ZNF469: variants seen among roughly 807,000 people sequenced by gnomAD.
ZNF469 encodes zinc finger protein 469.
Under a neutral mutation model 1.0 loss-of-function variants are expected in ZNF469, and 1 was observed. The observed-to-expected ratio is 1.00, with a 90% CI of 0.35 to 4.73. ZNF469 has a LOEUF of 4.73. ZNF469 is among the 30% of genes most tolerant of loss of function. The probability of loss-of-function intolerance (pLI) is 0.16; values close to 1 mark genes in which losing one functional copy is unlikely to be tolerated. For missense variants in ZNF469, 6,100 were observed against 5,356.3 expected (o/e 1.14, Z -4.33); for synonymous variants, 2,703 against 2,363.4 (o/e 1.14, Z -4.17).
the ZNF469 span, among the ~76,000 whole-genome samples, chr16:88,237,615 G>T: frequency 3.1e-4 from 1 of 3,176 alleles, no homozygotes. Flanking sequence ...GCTCCTGCCA[G>T]TCACCCTCCC....
chr16:88,309,257 A>C, the ZNF469 span, among the ~76,000 whole-genome samples: 1 of 152,210 alleles, frequency 6.6e-6, no homozygotes, highest in East Asian at 1.9e-4. Flanking sequence ...GTGTGCTGGC[A>C]ATTTGAGGAG....
the ZNF469 span, among the ~76,000 whole-genome samples, chr16:88,325,699 A>C: frequency 6.6e-6 from 1 of 152,210 alleles, no homozygotes; most frequent in Non-Finnish European, 1.5e-5. Context: ...TGACTTGTTC[A>C]ATGTCACCCC....
chr16:88,139,801 C>T, the ZNF469 span, among the ~76,000 whole-genome samples: 3 of 152,208 alleles, frequency 2.0e-5, no homozygotes, highest in Non-Finnish European at 2.9e-5. Flanking sequence ...CAGACCTTCT[C>T]GACACCTGAG....
the ZNF469 span, among the ~76,000 whole-genome samples, chr16:88,296,641 TAC>T: frequency 2.0e-5 from 3 of 150,412 alleles, no homozygotes; most frequent in Admixed American, 6.6e-5. Flanking sequence ...CACATACGCA[TAC>T]ACACATGCAC....
the ZNF469 span, among the ~76,000 whole-genome samples, chr16:88,274,245 G>A: frequency 1.3e-5 from 2 of 152,336 alleles, no homozygotes; most frequent in Admixed American, 6.5e-5. Context: ...CCCTAGAGCA[G>A]TGAGATTCAC....
At chr16:88,264,373 A>G in the ZNF469 span, among the ~76,000 whole-genome samples, 1 of 151,484 alleles carries the variant, frequency 6.6e-6, no homozygotes, top group East Asian at 2.0e-4. Flanking sequence ...CCTCTCTCCC[A>G]TGGCCCCCTT....
At chr16:88,411,230 G>T (rs143069821) in intron 1 of ZNF469, among the ~76,000 whole-genome samples, 194 of 152,326 alleles carry the variant, frequency 1.3e-3, no homozygotes, top group African/African-American at 4.6e-3. Context: ...GACAACTTCA[G>T]AGGGTGAAAG....
chr16:88,434,137 G>A lies in ZNF469; in HGVS notation c.6667G>A (p.Glu2223Lys). 6.5e-7 allele frequency: 1 copy of A among 1,550,330 alleles called. No individual in the cohort carries two copies. Among genetic ancestry groups the A allele is most frequent in the Non-Finnish European group, 8.7e-7 (1 of 1,146,944 alleles). Residue 2223 changes from glutamate to lysine, a missense_variant, in exon 3 of 3, where the codon GAA becomes AAA. Coordinates refer to ENST00000565624, the MANE Select transcript of ZNF469 (RefSeq NM_001367624.2). Reference protein sequence around the residue: ...CLLQGEGSPLEDPSSWPPGSV... With the variant: ...CLLQGEGSPLKDPSSWPPGSV... ...TCTCCAGGGGGAGGGCAGCCCCCTG[G>A]AAGACCCTTCCTCCTGGCCTCCTGG...
chr16:88,398,311 A>G (rs939004136), intron 1 of ZNF469, among the ~76,000 whole-genome samples: 12 of 152,186 alleles, frequency 7.9e-5, no homozygotes, highest in Non-Finnish European at 1.8e-4. Flanking sequence ...GACGTGAGTC[A>G]CAGATGAAGG....
At chr16:88,293,869 C>T in the ZNF469 span, among the ~76,000 whole-genome samples, 1 of 152,160 alleles carries the variant, frequency 6.6e-6, no homozygotes, top group Non-Finnish European at 1.5e-5. Flanking sequence ...GGAAAGGTTT[C>T]TCTTAGCCTT....
At chr16:88,388,641 G>A (rs963869424) in intron 1 of ZNF469, among the ~76,000 whole-genome samples, 5 of 152,272 alleles carry the variant, frequency 3.3e-5, no homozygotes. Flanking sequence ...AGGGGGCGTG[G>A]GAGCCAGGAT....
chr16:88,349,793 CAGGCACATTACACACATCACAA>C, the ZNF469 span, among the ~76,000 whole-genome samples: 1 of 140,906 alleles, frequency 7.1e-6, no homozygotes, highest in Non-Finnish European at 1.5e-5. Flanking sequence ...GCACACACAC[CAGGCACATTACACACATCACAA>C]ATGCACACAC....
chr16:88,124,959 C>T, the ZNF469 span, among the ~76,000 whole-genome samples: 1 of 152,246 alleles, frequency 6.6e-6, no homozygotes, highest in East Asian at 1.9e-4. Context: ...AAAAATTTGT[C>T]TATCTCAGGG....
At chr16:88,171,011 C>A in the ZNF469 span, among the ~76,000 whole-genome samples, 71,726 of 151,898 alleles carry the variant, frequency 0.47, 18,148 homozygotes, top group East Asian at 0.79. Flanking sequence ...CACCCTAGGA[C>A]AACCTCTAGG....
chr16:88,182,150 T>G, the ZNF469 span, among the ~76,000 whole-genome samples: 1 of 152,172 alleles, frequency 6.6e-6, no homozygotes, highest in African/African-American at 2.4e-5. Context: ...ATGAAATACT[T>G]AATGATAAAT....
the ZNF469 span, among the ~76,000 whole-genome samples, chr16:88,121,290 G>C: frequency 1.3e-5 from 2 of 151,750 alleles, no homozygotes; most frequent in Non-Finnish European, 2.9e-5. Flanking sequence ...TTTGGTCCTT[G>C]TCCAAACCCT....
the ZNF469 span, among the ~76,000 whole-genome samples, chr16:88,117,945 A>C: frequency 2.0e-5 from 3 of 152,118 alleles, no homozygotes; most frequent in Non-Finnish European, 2.9e-5. Flanking sequence ...CTGTGATTTT[A>C]TTTCTTTGTT....
chr16:88,136,724 CCAG>C, the ZNF469 span, among the ~76,000 whole-genome samples: 12 of 152,384 alleles, frequency 7.9e-5, no homozygotes, highest in South Asian at 2.5e-3. Context: ...GAGTCTGTCC[CCAG>C]CTGCCATCCT....
the ZNF469 span, among the ~76,000 whole-genome samples, chr16:88,118,656 G>A: frequency 2.6e-5 from 4 of 152,194 alleles, no homozygotes; most frequent in African/African-American, 4.8e-5. Context: ...TCAGATTCCC[G>A]ACTCTACGGC....
Sources: allele counts gnomAD v4.1 joint callset (sites outside exome capture counted in the v4.1 genomes callset), GRCh38; gene constraint gnomAD v4.1.1; transcripts MANE v1.5; gene names NCBI Gene and HGNC (gene_info 2026-07-23, HGNC 2026-07-21).